FGL1: variants seen among roughly 807,000 people sequenced by gnomAD.
The protein encoded by FGL1 is fibrinogen like 1.
A neutral mutation model predicts 43.7 loss-of-function variants in FGL1; 59 were observed. The observed-to-expected ratio is 1.35, with a 90% CI of 1.10 to 1.68. The LOEUF (loss-of-function observed/expected upper bound fraction) is 1.68, where lower values mean the gene tolerates loss of function less well. FGL1 is among the 40% of genes most tolerant of loss of function. The pLI, the probability that FGL1 is intolerant of heterozygous loss-of-function variation, is 0.00. For missense variants in FGL1, 596 were observed against 373.0 expected, an observed-to-expected ratio of 1.60 and a Z score of -4.92; for synonymous variants, 192 against 126.5, an observed-to-expected ratio of 1.52 and a Z score of -3.48.
chr8:17,894,666 C>G (rs1023889933), intron 1 of FGL1, among the ~76,000 whole-genome samples: 1 of 146,084 alleles, frequency 6.8e-6, no homozygotes, highest in Non-Finnish European at 1.5e-5. Context: ...GGAAATTATA[C>G]AAAGTGAGAC....
intron 1 of FGL1, chr8:17,891,835 C>T (rs1287964170): frequency 6.2e-6 from 6 of 973,676 alleles, no homozygotes; most frequent in East Asian, 2.3e-4. Flanking sequence ...AATAACTACT[C>T]TTAATGAATT....
At position 17,883,870 on chromosome 8, in the gene FGL1, T is replaced by C. The variant is rs567951889; in HGVS notation, c.63+1622A>G. 2.1e-4 allele frequency among the ~76,000 whole-genome samples: 32 copies of C among 149,836 alleles called. No homozygotes were observed. The East Asian group carries it at 5.7e-3, about 27-fold the overall frequency. On this transcript the variant is annotated intron_variant, in intron 2 of 7. Transcript: ENST00000427924. ...CCTCTCCCAGATATCTTTTCTAGGATGATTTCTTTCTCCTCTTTTCTTTTT... is the reference window on the plus strand; with the variant it reads ...CCTCTCCCAGATATCTTTTCTAGGACGATTTCTTTCTCCTCTTTTCTTTTT...
chr8:17,877,067 G>A (rs2053467191), intron 3 of FGL1, among the ~76,000 whole-genome samples: 1 of 152,058 alleles, frequency 6.6e-6, no homozygotes, highest in Non-Finnish European at 1.5e-5. Context: ...GCCTGCTTTG[G>A]GAAATGAGAC....
At chr8:17,870,352 A>G (rs1296778117) in intron 5 of FGL1, among the ~76,000 whole-genome samples, 1 of 152,098 alleles carries the variant, frequency 6.6e-6, no homozygotes, top group Non-Finnish European at 1.5e-5. Flanking sequence ...TTCCTTTTTC[A>G]GAAACAGAAC....
intron 5 of FGL1, among the ~76,000 whole-genome samples, chr8:17,870,476 G>C (rs2053341777): frequency 6.6e-6 from 1 of 152,136 alleles, no homozygotes. Flanking sequence ...TTAGAATTTA[G>C]AGCCTCACTT....
chr8:17,864,873 A>G, intron 7 of FGL1, 122 bp from the exon 8 acceptor site: 1 of 781,210 alleles, frequency 1.3e-6, no homozygotes. Flanking sequence ...CATTTTTCAG[A>G]CAAGTAAATA....
chr8:17,893,963 A>G (rs2053741926), intron 1 of FGL1, among the ~76,000 whole-genome samples: 1 of 147,118 alleles, frequency 6.8e-6, no homozygotes, highest in Non-Finnish European at 1.5e-5. Context: ...TATAAAATTA[A>G]AATTGTTATC....
chr8:17,881,873 A>G, intron 3 of FGL1, 126 bp downstream of exon 3: 1 of 758,184 alleles, frequency 1.3e-6, no homozygotes, highest in Non-Finnish European at 2.0e-6. Flanking sequence ...GAAGACATTT[A>G]CAATAGATAT....
chr8:17,890,667 G>A (rs761247467), intron 1 of FGL1, among the ~76,000 whole-genome samples: 2 of 152,140 alleles, frequency 1.3e-5, no homozygotes, highest in Non-Finnish European at 2.9e-5. Flanking sequence ...CTGAGACTGG[G>A]TAATTTATAA....
intron 2 of FGL1, among the ~76,000 whole-genome samples, chr8:17,882,964 A>ATG (rs2053564826): frequency 2.0e-5 from 2 of 101,612 alleles, no homozygotes; most frequent in African/African-American, 5.1e-5. Flanking sequence ...TATATATCAT[A>ATG]TATAATATAT....
chr8:17,868,995 G>A lies in FGL1; in HGVS notation c.512C>T (p.Thr171Ile), dbSNP rs537721215. 5.9e-5 allele frequency: 94 copies of A among 1,595,296 alleles called. 1 individual carries two copies. The South Asian group carries it at 1.0e-3, about 18-fold the overall frequency. ...LHFLTTQEDY[T>I]LKIDLADFEK... ...AAAATCTGCAAGGTCGATTTTTAAA[G>A]TGTAGTCTTCTAAAAAAGAAACAAG... Residue 171 changes from threonine (T) to isoleucine (I), a missense_variant, in exon 6 of 8, where the codon ACT becomes ATT. Coordinates refer to ENST00000427924, the MANE Select transcript of FGL1 (RefSeq NM_004467.4).
In FGL1 at chr8:17,882,689, G is replaced by A. The variant is rs1204809974; in HGVS notation, c.64-510C>T. ...GTCTGGTATAAATACTTTTAAATAT[G>A]TATATTTAATGTATATTATATATTA... On this transcript the variant is annotated intron_variant, in intron 2 of 7. Transcript: ENST00000427924. The A allele has an allele frequency of 2.5e-5, 3 of 120,658 alleles. No individual in the cohort carries two copies. In the Admixed American group the frequency reaches 2.5e-4, roughly 10 times the overall value. The allele number at this position is 120,658 out of a possible 1,614,324, so 7.5% of individuals were successfully genotyped here. A position where few individuals can be genotyped will look rare whatever the true frequency, so the allele number is the denominator to read the frequency against.
At chr8:17,881,846 AAAAGT>A (rs973252074) in intron 3 of FGL1, among the ~76,000 whole-genome samples, 148 bp downstream of exon 3, 2 of 151,894 alleles carry the variant, frequency 1.3e-5, no homozygotes, top group African/African-American at 4.8e-5. Context: ...AAAAAAAAAA[AAAAGT>A]AAAGTGTGAA....
In FGL1 at chr8:17,886,558, G is replaced by C. The variant is rs189160989; in HGVS notation, c.-17-987C>G. On this transcript the variant is annotated intron_variant, in intron 1 of 7. Coordinates refer to ENST00000427924, the MANE Select transcript of FGL1 (RefSeq NM_004467.4). ...AGATCACTCGAGGTCAGGAGCTCGA[G>C]ACCAGCCTGGTCAACATGGCGAAAC... is the stretch of plus-strand genomic sequence containing the variant. Among the ~76,000 whole-genome samples, 154 of 152,252 alleles carry C rather than the reference G, an allele frequency of 1.0e-3. 3 individuals are homozygous for C. The East Asian group carries it at 0.025, about 25-fold the overall frequency.
intron 2 of FGL1, among the ~76,000 whole-genome samples, chr8:17,885,090 G>A (rs188867522): frequency 6.6e-6 from 1 of 151,660 alleles, no homozygotes; most frequent in East Asian, 1.9e-4. Context: ...GCCCAGGCTG[G>A]AGTGAAGTGG....
intron 5 of FGL1, among the ~76,000 whole-genome samples, chr8:17,872,944 G>C (rs936512090): frequency 6.6e-6 from 1 of 152,162 alleles, no homozygotes; most frequent in Non-Finnish European, 1.5e-5. Context: ...GGATAGATAC[G>C]TAACAAAAAC....
intron 2 of FGL1, among the ~76,000 whole-genome samples, chr8:17,885,197 C>T (rs183838856): frequency 1.1e-4 from 16 of 151,954 alleles, no homozygotes; most frequent in East Asian, 3.9e-4. Context: ...CGTGCCATCA[C>T]GCCCGGCTAA....
rs1174750563 is a variant in FGL1, at chr8:17,874,460, G to A, written c.306C>T (p.Leu102=). ...KLSGFYKIKP[L]QSPAEFSVYC... ...AAACAGAAAATTCTGCTGGGCTCTG[G>A]AGAGGTTTGATTTTGTAAAATCCAC... is the stretch of plus-strand genomic sequence containing the variant. The change falls in exon 4 of 8, where the codon CTC becomes CTT. Residue 102 remains leucine, a synonymous_variant. Transcript: ENST00000427924. 4 of 1,614,026 alleles carry A rather than the reference G, an allele frequency of 2.5e-6. No homozygotes were observed. Among genetic ancestry groups the A allele is most frequent in the Admixed American group, 3.3e-5 (2 of 60,018 alleles).
intron 5 of FGL1, among the ~76,000 whole-genome samples, chr8:17,869,414 G>T (rs1340360580): frequency 1.3e-5 from 2 of 152,154 alleles, no homozygotes; most frequent in East Asian, 3.8e-4. Flanking sequence ...GGCTATTAAT[G>T]ACATTGTGTA....
Sources: gnomAD v4.1 joint callset for allele counts (sites outside exome capture counted in the v4.1 genomes callset) on GRCh38, gnomAD v4.1.1 for gene constraint, MANE v1.5 for transcripts, NCBI Gene and HGNC (gene_info 2026-07-23, HGNC 2026-07-21) for gene names.